Variants in MORN5 observed in about 807,000 individuals in gnomAD.
MORN5 encodes MORN repeat-containing protein 5.
MORN5 carries 21 observed loss-of-function variants against 22.1 expected under a neutral mutation model. That is an observed-to-expected ratio of 0.95 (90% CI 0.67 to 1.37). MORN5 has a LOEUF of 1.37. Ranked by LOEUF, MORN5 falls within the 40% of genes most tolerant of loss-of-function variation. The pLI is 0.00. For missense variants in MORN5, 211 were observed against 215.1 expected, an observed-to-expected ratio of 0.98 and a Z score of 0.12; for synonymous variants, 73 against 74.0, an observed-to-expected ratio of 0.99 and a Z score of 0.07.
chr9:122,184,668 C>T (rs1829586028), intron 4 of MORN5, among the ~76,000 whole-genome samples: 1 of 152,184 alleles, frequency 6.6e-6, no homozygotes, highest in African/African-American at 2.4e-5. Flanking sequence ...GGTCTAAGCC[C>T]TTTACATATA....
At chr9:122,189,869 G>A (rs752220776) in intron 4 of MORN5, among the ~76,000 whole-genome samples, 8 of 152,146 alleles carry the variant, frequency 5.3e-5, no homozygotes, top group Non-Finnish European at 1.0e-4. Flanking sequence ...GCCTCCCAAA[G>A]TGCTAGGATT....
rs1304129542 is a variant in MORN5 at position 122,197,926 on chromosome 9, CTG to C, written c.440-1958_440-1957del. On this transcript the variant is annotated intron_variant, in intron 4 of 4. Transcript: ENST00000373764. The surrounding 1 kb of genome is among the most constrained non-coding windows in gnomAD (Gnocchi z 5.7). ...TCCCAGGCAGCCTCCCCAGAGGAAACTGAGGCTCACTGGCTGCTTGCCAGAGT... is the reference window on the plus strand; with the variant it reads ...TCCCAGGCAGCCTCCCCAGAGGAAACAGGCTCACTGGCTGCTTGCCAGAGT... Among the ~76,000 whole-genome samples, 1 of 152,204 alleles carries C rather than the reference CTG, an allele frequency of 6.6e-6. No homozygotes were observed. The highest frequency in any genetic ancestry group is 2.4e-5 in the African/African-American group (1 of 41,448).
At chr9:122,170,068 C>T (rs370692686) in intron 3 of MORN5, among the ~76,000 whole-genome samples, 4 of 152,224 alleles carry the variant, frequency 2.6e-5, no homozygotes, top group South Asian at 2.1e-4. Flanking sequence ...GAGGCCAAGG[C>T]GGGTGGATCA....
chr9:122,188,726 G>C (rs146202292), intron 4 of MORN5, among the ~76,000 whole-genome samples: 1 of 152,300 alleles, frequency 6.6e-6, no homozygotes, highest in East Asian at 1.9e-4. Flanking sequence ...AAAAGAAAAG[G>C]GGGCACCAGG....
At chr9:122,199,801 C>G in intron 4 of MORN5, 84 bp from the exon 5 acceptor site, 2 of 1,377,728 alleles carry the variant, frequency 1.5e-6, no homozygotes, top group Non-Finnish European at 2.1e-6. Flanking sequence ...ATCCCAGTCC[C>G]AACGCCCCAC....
Position 122,174,572 on chromosome 9 carries a change from TA to T in MORN5, c.386del (p.Asn129ThrfsTer6). ...GYYDCGDGFY[N>X]PVTRVVKDYR... ...ATTACGATTGTGGAGACGGCTTCTA[TA>T]ACCCAGTCACGAGGGTAGTCAAGGA... On this transcript the variant is annotated frameshift_variant, in exon 4 of 5. Coordinates refer to ENST00000373764, the MANE Select transcript of MORN5 (RefSeq NM_198469.4). LOFTEE classifies it high-confidence loss of function. The T allele has an allele frequency of 6.2e-7, 1 of 1,614,138 alleles. No homozygotes were observed. The highest frequency in any genetic ancestry group is 1.3e-5 in the African/African-American group (1 of 75,048).
chr9:122,189,334 C>CTGT (rs987061272), intron 4 of MORN5, among the ~76,000 whole-genome samples: 6 of 152,178 alleles, frequency 3.9e-5, no homozygotes, highest in African/African-American at 1.4e-4. Context: ...CTTGGTGTGC[C>CTGT]TGTAATCCCA....
chr9:122,191,514 G>A (rs1383714253), intron 4 of MORN5, among the ~76,000 whole-genome samples: 4 of 152,154 alleles, frequency 2.6e-5, no homozygotes, highest in East Asian at 1.9e-4. Context: ...ACATACACGC[G>A]GAGCTGGGCA....
At chr9:122,190,152 G>A (rs113594725) in intron 4 of MORN5, among the ~76,000 whole-genome samples, 3,066 of 152,120 alleles carry the variant, frequency 0.02, 106 homozygotes, top group African/African-American at 0.066. Flanking sequence ...CCTTGCACAC[G>A]GAAGTGCTTC....
At chr9:122,165,726 C>T (rs1181160760) in intron 1 of MORN5, among the ~76,000 whole-genome samples, 3 of 152,144 alleles carry the variant, frequency 2.0e-5, no homozygotes, top group Admixed American at 6.5e-5. Flanking sequence ...AGACTGTGAG[C>T]CCCCCGAGGA....
chr9:122,192,446 T>G (rs1355357453), intron 4 of MORN5, among the ~76,000 whole-genome samples: 2 of 152,200 alleles, frequency 1.3e-5, no homozygotes, highest in Admixed American at 1.3e-4. Flanking sequence ...TTAACCATCA[T>G]GCCACACTGC....
chr9:122,194,506 G>C (rs1011750457), intron 4 of MORN5, among the ~76,000 whole-genome samples: 1 of 152,186 alleles, frequency 6.6e-6, no homozygotes, highest in Admixed American at 6.5e-5. Flanking sequence ...CATTGAGAAG[G>C]TGACATTTGA....
At chr9:122,166,226 A>C (rs2118740985) in intron 1 of MORN5, among the ~76,000 whole-genome samples, 1 of 152,138 alleles carries the variant, frequency 6.6e-6, no homozygotes, top group South Asian at 2.1e-4. Flanking sequence ...TGGGAGCTAC[A>C]ATTCCCGATG....
At chr9:122,175,404 T>A (rs1485502529) in intron 4 of MORN5, 1 of 931,706 alleles carries the variant, frequency 1.1e-6, no homozygotes, top group Non-Finnish European at 1.3e-6. Flanking sequence ...ACAAGGCTGA[T>A]CAGACTGAGA....
At position 122,173,946 on chromosome 9, in the gene MORN5, A is replaced by G. The variant is rs144884063; in HGVS notation, c.308-550A>G. Reference sequence around the variant, plus strand: ...GAGCACAATGCCTGGCACATAATAAACATTCAATGAGTGGCAGCCACCGTG... The same window carrying G: ...GAGCACAATGCCTGGCACATAATAAGCATTCAATGAGTGGCAGCCACCGTG... On this transcript the variant is annotated intron_variant, in intron 3 of 4. Transcript: ENST00000373764. 5.4e-3 allele frequency among the ~76,000 whole-genome samples: 821 copies of G among 152,270 alleles called. 1 individual carries two copies. Among genetic ancestry groups the G allele is most frequent in the Non-Finnish European group, 7.6e-3 (520 of 68,010 alleles).
intron 3 of MORN5, among the ~76,000 whole-genome samples, chr9:122,172,937 C>T (rs1260885023): frequency 6.6e-6 from 1 of 152,188 alleles, no homozygotes; most frequent in Non-Finnish European, 1.5e-5. Flanking sequence ...CAAAGAGCTG[C>T]CAGTCTAGCT....
chr9:122,197,507 G>T lies in MORN5; in HGVS notation c.440-2378G>T, dbSNP rs928256093. 6.6e-6 allele frequency among the ~76,000 whole-genome samples: 1 copy of T among 152,180 alleles called. No individual in the cohort carries two copies. The highest frequency in any genetic ancestry group is 2.4e-5 in the African/African-American group (1 of 41,442). Reference sequence around the variant, plus strand: ...CTGGCGTGGCAGGGCCAGGGGAGCCGCAGAGAGGCGCAGGGGAGGCGGAGG... The same window carrying T: ...CTGGCGTGGCAGGGCCAGGGGAGCCTCAGAGAGGCGCAGGGGAGGCGGAGG... On this transcript the variant is annotated intron_variant, in intron 4 of 4. Transcript: ENST00000373764. The surrounding 1 kb of genome is among the most constrained non-coding windows in gnomAD (Gnocchi z 5.7).
rs894913805 is a variant in MORN5, at chr9:122,166,928, G to A, written c.195+13G>A. 2 of 1,611,290 alleles carry A rather than the reference G, an allele frequency of 1.2e-6. No homozygotes were observed. Among genetic ancestry groups the A allele is most frequent in the South Asian group, 1.1e-5 (1 of 90,418 alleles). On this transcript the variant is annotated intron_variant, in intron 2 of 4. Coordinates refer to ENST00000373764, the MANE Select transcript of MORN5 (RefSeq NM_198469.4). ...ATTGGCCATAAAGGTGATCAGCTGG[G>A]GGGACGGATGCTGTGGAGGAGAGAT...
chr9:122,174,917 G>C (rs1261125103), intron 4 of MORN5: 50 of 967,008 alleles, frequency 5.2e-5, no homozygotes, highest in Non-Finnish European at 5.9e-5. Context: ...CGATTTTAAT[G>C]GGCACCTACT....
Sources: gnomAD v4.1 joint callset for allele counts (sites outside exome capture counted in the v4.1 genomes callset) on GRCh38, gnomAD v4.1.1 for gene constraint, Gnocchi (gnomAD v3.1) non-coding constraint, MANE v1.5 for transcripts, NCBI Gene and HGNC (gene_info 2026-07-23, HGNC 2026-07-21) for gene names.